TG: variants seen among roughly 807,000 people sequenced by gnomAD.
TG encodes the protein thyroglobulin, also known as thyroid hormones.
Under a neutral mutation model 324.7 loss-of-function variants are expected in TG, and 270 were observed. That is an observed-to-expected ratio of 0.83 (90% CI 0.75 to 0.92). The LOEUF is 0.92. Ranked by LOEUF, TG falls within the 40% of genes least tolerant of loss-of-function variation. The pLI is 0.00. For synonymous variants in TG, 1,401 were observed against 1,327.0 expected (o/e 1.06, Z -1.21); for missense variants, 3,591 against 3,456.4 (o/e 1.04, Z -0.98).
chr8:133,008,441 G>T (rs933896100), intron 35 of TG, among the ~76,000 whole-genome samples: 2 of 151,992 alleles, frequency 1.3e-5, no homozygotes, highest in African/African-American at 4.8e-5. Context: ...TTGAATTAAA[G>T]GAGAGATTAT....
chr8:132,936,018 C>G (rs2129759945), intron 25 of TG, among the ~76,000 whole-genome samples, 154 bp downstream of exon 25: 1 of 152,336 alleles, frequency 6.6e-6, no homozygotes, highest in South Asian at 2.1e-4. Context: ...CATCCTTTGG[C>G]AGACTCAGCA....
chr8:133,106,468 A>C, intron 43 of TG: 1 of 985,282 alleles, frequency 1.0e-6, no homozygotes, highest in Non-Finnish European at 1.2e-6. Flanking sequence ...TGAAGCAAAA[A>C]AGCAAAAGGT....
chr8:132,996,589 G>A (rs1339875753), intron 35 of TG, among the ~76,000 whole-genome samples: 1 of 152,084 alleles, frequency 6.6e-6, no homozygotes, highest in Non-Finnish European at 1.5e-5. Context: ...TGAAACTAAA[G>A]CACAGTTTTT....
chr8:133,133,755 G>C, intron 47 of TG, 95 bp downstream of exon 47: 3 of 1,411,710 alleles, frequency 2.1e-6, no homozygotes, highest in Non-Finnish European at 2.9e-6. Flanking sequence ...GCGCATTGGA[G>C]CCAAGGGGTC....
intron 40 of TG, among the ~76,000 whole-genome samples, chr8:133,029,309 A>C (rs1836400394): frequency 6.6e-6 from 1 of 152,078 alleles, no homozygotes; most frequent in Non-Finnish European, 1.5e-5. Flanking sequence ...ATTCAGTTGC[A>C]TGCTAATAAA....
At chr8:133,134,626 G>A (rs761234948) in intron 47 of TG, 50 bp from the exon 48 acceptor site, 4 of 1,512,970 alleles carry the variant, frequency 2.6e-6, no homozygotes, top group South Asian at 1.1e-5. Flanking sequence ...GACCAGAGAA[G>A]AGAAGTCCTA....
chr8:133,013,335 A>G (rs1834689212), intron 36 of TG, among the ~76,000 whole-genome samples: 1 of 152,160 alleles, frequency 6.6e-6, no homozygotes, highest in African/African-American at 2.4e-5. Context: ...GGAAGGGTGG[A>G]TGAGTGGTTG....
chr8:132,965,922 T>C (rs979743965), intron 29 of TG, among the ~76,000 whole-genome samples: 1 of 152,228 alleles, frequency 6.6e-6, no homozygotes, highest in African/African-American at 2.4e-5. Context: ...TTATTTTCTG[T>C]AGGCAGTGGA....
intron 41 of TG, chr8:133,047,010 A>G (rs1564113250): frequency 6.6e-6 from 1 of 152,284 alleles, no homozygotes; most frequent in East Asian, 1.9e-4. Flanking sequence ...TAAAAAAGTT[A>G]TTATTATTAT....
At chr8:133,002,189 A>T (rs1191918145) in intron 35 of TG, 2 of 985,442 alleles carry the variant, frequency 2.0e-6, no homozygotes, top group Non-Finnish European at 2.4e-6. Flanking sequence ...TTTTCAAATG[A>T]GGGAGGCAAT....
At chr8:132,961,773 G>A (rs3958179) in intron 28 of TG, among the ~76,000 whole-genome samples, 112,306 of 151,514 alleles carry the variant, frequency 0.74, 41,873 homozygotes, top group East Asian at 0.83. Flanking sequence ...ATGAGAAAAA[G>A]CCTCTGACCC....
intron 16 of TG, among the ~76,000 whole-genome samples, chr8:132,904,002 A>C (rs536236817): frequency 2.6e-5 from 4 of 152,362 alleles, no homozygotes; most frequent in Admixed American, 1.3e-4. Flanking sequence ...TCAGATACCA[A>C]GTTGCCTCTC....
rs116726914 is a variant in TG at position 133,096,303 on chromosome 8, G to A, written c.7502G>A (p.Trp2501Ter). 7.1e-5 allele frequency: 115 copies of A among 1,614,140 alleles called. No homozygotes were observed. The African/African-American group carries it at 1.2e-3, about 17-fold the overall frequency. ...PPARALKRSL[W>*]VEVDLLIGSS... is the part of the protein sequence containing the mutation. ...GCCAGAGCACTGAAGAGGTCTTTAT[G>A]GGTAGAGGTCGATCTGCTCATTGGG... is the stretch of plus-strand genomic sequence containing the variant. Residue 2501 changes from tryptophan to a stop codon, truncating the protein, a stop_gained, in exon 43 of 48, where the codon TGG becomes TAG. Coordinates refer to ENST00000220616, the MANE Select transcript of TG (RefSeq NM_003235.5). LOFTEE classifies it high-confidence loss of function.
At chr8:132,956,435 A>G (rs1001309298) in intron 27 of TG, among the ~76,000 whole-genome samples, 1 of 152,200 alleles carries the variant, frequency 6.6e-6, no homozygotes, top group African/African-American at 2.4e-5. Context: ...TGAATACTGC[A>G]AACTCAGAGG....
intron 43 of TG, among the ~76,000 whole-genome samples, chr8:133,109,675 G>T (rs1300123646): frequency 2.0e-5 from 3 of 152,146 alleles, no homozygotes; most frequent in Non-Finnish European, 2.9e-5. Flanking sequence ...CCCTCAGGAT[G>T]GTTATGGGAG....
intron 44 of TG, 42 bp from the exon 45 acceptor site, chr8:133,116,567 G>C (rs1312411416): frequency 6.3e-7 from 1 of 1,577,072 alleles, no homozygotes; most frequent in Non-Finnish European, 8.7e-7. Context: ...GGCCCATAGA[G>C]CCATGTTTAA....
intron 41 of TG, chr8:133,037,318 A>T (rs375788610): frequency 6.6e-6 from 1 of 152,186 alleles, no homozygotes; most frequent in South Asian, 2.1e-4. Context: ...TCATTAATCC[A>T]CTTGGACTCC....
chr8:133,134,708 G>A lies in TG; in HGVS notation c.8221G>A (p.Glu2741Lys). Residue 2741 changes from glutamate to lysine, a missense_variant, in exon 48 of 48, where the codon GAA (glutamate) becomes AAA (lysine). Glu to Lys is a moderately conservative substitution (Grantham distance 56). Transcript: ENST00000220616. ...GAKGGQSAES[E>K]EEELTAGSGL... ...CAAGGGCGGGCAGTCAGCAGAGAGT[G>A]AAGAGGAGGAGTTGACGGCTGGATC... 6.2e-7 allele frequency: 1 copy of A among 1,614,114 alleles called. No homozygotes were observed. The highest frequency in any genetic ancestry group is 8.5e-7 in the Non-Finnish European group (1 of 1,179,968).
intron 23 of TG, among the ~76,000 whole-genome samples, chr8:132,932,474 G>C (rs1289606324): frequency 3.3e-5 from 5 of 152,178 alleles, no homozygotes; most frequent in Admixed American, 1.3e-4. Context: ...CTGATTTTTA[G>C]TCTTGGTGTT....
Sources: allele counts gnomAD v4.1 joint callset (sites outside exome capture counted in the v4.1 genomes callset), GRCh38; gene constraint gnomAD v4.1.1; transcripts MANE v1.5; gene names NCBI Gene and HGNC (gene_info 2026-07-23, HGNC 2026-07-21).